FBXO28: variants seen among roughly 807,000 people sequenced by gnomAD.
The protein encoded by FBXO28 is F-box protein 28.
Under a neutral mutation model 38.1 loss-of-function variants are expected in FBXO28, and 8 were observed. That is an observed-to-expected ratio of 0.21 (90% CI 0.12 to 0.38). FBXO28 has a LOEUF of 0.38. FBXO28 is among the 10% of genes least tolerant of loss of function. FBXO28 has a pLI of 1.00. For synonymous variants in FBXO28, 168 were observed against 173.8 expected (o/e 0.97, Z 0.26); for missense variants, 345 against 460.6 (o/e 0.75, Z 2.30).
At chr1:224,120,675 CA>C (rs1415430374) in intron 1 of FBXO28, among the ~76,000 whole-genome samples, 6 of 152,124 alleles carry the variant, frequency 3.9e-5, no homozygotes, top group Admixed American at 1.3e-4. Context: ...CCAGCCTTAC[CA>C]ACATGGTGAA....
rs1354511976 is a variant in FBXO28, at chr1:224,157,786, A to T, written c.*40A>T. On this transcript the variant is annotated 3_prime_UTR_variant, in exon 5 of 5. Coordinates refer to ENST00000366862, the MANE Select transcript of FBXO28 (RefSeq NM_015176.4). ...CTAGTTCCAGAGGAAGACACAGCTT[A>T]GTAGCTTAAGCAGTTATGCATATCA... 6.4e-7 allele frequency: 1 copy of T among 1,555,084 alleles called. No individual in the cohort carries two copies. Among genetic ancestry groups the T allele is most frequent in the African/African-American group, 1.4e-5 (1 of 72,924 alleles).
chr1:224,149,081 T>C (rs1657579387), intron 3 of FBXO28, among the ~76,000 whole-genome samples: 1 of 152,192 alleles, frequency 6.6e-6, no homozygotes, highest in South Asian at 2.1e-4. Context: ...ACTATAAATA[T>C]TCTTCTGTCT....
At chr1:224,121,614 C>G (rs1416045467) in intron 1 of FBXO28, among the ~76,000 whole-genome samples, 1 of 152,026 alleles carries the variant, frequency 6.6e-6, no homozygotes, top group Non-Finnish European at 1.5e-5. Context: ...CTTGGCCTCT[C>G]TAGGTGTTGG....
intron 1 of FBXO28, among the ~76,000 whole-genome samples, chr1:224,119,126 C>CTTTTT (rs1246875517): frequency 1.8e-5 from 1 of 56,504 alleles, no homozygotes; most frequent in African/African-American, 6.2e-5. Flanking sequence ...CTGATTTTTT[C>CTTTTT]TTTTTTTTCT....
chr1:224,133,652 G>A (rs1399571505), intron 2 of FBXO28, among the ~76,000 whole-genome samples: 5 of 151,892 alleles, frequency 3.3e-5, no homozygotes, highest in Non-Finnish European at 1.5e-5. Flanking sequence ...CTAGTAGCTG[G>A]GACTATAGGC....
Position 224,158,245 on chromosome 1 carries a change from G to A in FBXO28, c.*499G>A. The A allele has an allele frequency of 1.0e-6, 1 of 985,308 alleles. No homozygotes were observed. Among genetic ancestry groups the A allele is most frequent in the Non-Finnish European group, 1.2e-6 (1 of 829,708 alleles). 61.0% of individuals were successfully genotyped at this position (985,308 alleles called of 1,614,324 possible). A position where few individuals can be genotyped will look rare whatever the true frequency, so the allele number is the denominator to read the frequency against. On this transcript the variant is annotated 3_prime_UTR_variant, in exon 5 of 5. Coordinates refer to ENST00000366862, the MANE Select transcript of FBXO28 (RefSeq NM_015176.4). ...GTCTGAAAAGTAGTTAATGCTTTTT[G>A]GTATTGAAGTAATGGGTAACTAAAA...
intron 1 of FBXO28, among the ~76,000 whole-genome samples, chr1:224,116,456 T>C (rs964745225): frequency 1.3e-5 from 2 of 152,214 alleles, no homozygotes; most frequent in African/African-American, 4.8e-5. Context: ...GACTTTAGTG[T>C]ATGCTGCTAT....
At position 224,134,218 on chromosome 1, in the gene FBXO28, A is replaced by G. The variant is rs540198138; in HGVS notation, c.516+6A>G. 30 of 1,612,104 alleles carry G rather than the reference A, an allele frequency of 1.9e-5. No individual in the cohort carries two copies. In the South Asian group the frequency reaches 3.2e-4, roughly 17 times the overall value. On this transcript the variant is annotated splice_donor_region_variant and intron_variant, in intron 3 of 4. Transcript: ENST00000366862. ...GTTGCTTCATCCCAGGAAAGGTAAA[A>G]TAGAATTGCTTGCCTAGAACAGCTG...
intron 1 of FBXO28, among the ~76,000 whole-genome samples, chr1:224,127,164 T>TTG (rs564171368): frequency 0.1 from 9,086 of 88,408 alleles, 365 homozygotes; most frequent in Admixed American, 0.18. Flanking sequence ...TGTAAAGTAT[T>TTG]TGTGTGTGTG....
In FBXO28 at chr1:224,130,576, C is replaced by T; in HGVS notation, c.372C>T (p.Leu124=). 1 of 1,599,702 alleles carries T rather than the reference C, an allele frequency of 6.3e-7. No homozygotes were observed. Among genetic ancestry groups the T allele is most frequent in the Non-Finnish European group, 8.6e-7 (1 of 1,167,190 alleles). Residue 124 remains leucine (L), a synonymous_variant, in exon 2 of 5, where the codon CTC becomes CTT. Transcript: ENST00000366862. ...NLCQKQVKAQ[L]PRRESERRNH... is the part of the protein sequence containing the mutation. ...GTCAGAAACAAGTTAAAGCACAACTCCCAAGGTATGTTGTGGGTGGCAATG... is the reference window on the plus strand; with the variant it reads ...GTCAGAAACAAGTTAAAGCACAACTTCCAAGGTATGTTGTGGGTGGCAATG...
chr1:224,146,675 C>T (rs1657513858), intron 3 of FBXO28, among the ~76,000 whole-genome samples: 1 of 150,814 alleles, frequency 6.6e-6, no homozygotes, highest in South Asian at 2.1e-4. Flanking sequence ...CCAGCCACAG[C>T]CTGTACTGTA....
At chr1:224,134,237 A>G (rs766056592) in intron 3 of FBXO28, 25 bp downstream of exon 3, 1 of 1,609,202 alleles carries the variant, frequency 6.2e-7, no homozygotes, top group Non-Finnish European at 8.5e-7. Flanking sequence ...CTTGCCTAGA[A>G]CAGCTGGACT....
chr1:224,136,461 C>G (rs1458835585), intron 3 of FBXO28, among the ~76,000 whole-genome samples: 1 of 151,940 alleles, frequency 6.6e-6, no homozygotes, highest in Non-Finnish European at 1.5e-5. Context: ...CGGTAGCTCA[C>G]ACCTGTAATC....
In FBXO28 at chr1:224,157,509, A is replaced by G. The variant is rs765488486; in HGVS notation, c.870A>G (p.Gln290=). ...TTTCTGAGCTTCGCACCAAAGTGCAAGAACAGCAAAAACAGCTTCAAGACC... is the reference window on the plus strand; with the variant it reads ...TTTCTGAGCTTCGCACCAAAGTGCAGGAACAGCAAAAACAGCTTCAAGACC... The part of the protein sequence containing the change: ...REISELRTKV[Q]EQQKQLQDQD... Residue 290 remains glutamine (Q), a synonymous_variant, in exon 5 of 5, where the codon CAA becomes CAG. Transcript: ENST00000366862. 1.1e-5 allele frequency: 17 copies of G among 1,614,154 alleles called. No homozygotes were observed. The Admixed American group carries it at 1.8e-4, about 17-fold the overall frequency.
intron 1 of FBXO28, among the ~76,000 whole-genome samples, chr1:224,120,969 T>A (rs989987813): frequency 1.3e-5 from 2 of 151,978 alleles, no homozygotes; most frequent in Non-Finnish European, 2.9e-5. Flanking sequence ...GCTTAATATT[T>A]ACTTCCAAGA....
In FBXO28 at chr1:224,157,621, A is replaced by G. The variant is rs1220278376; in HGVS notation, c.982A>G (p.Met328Val). ...GCTAGAACGCAAACTACGAGAAGTA[A>G]TGGAAAGTGCTGTAGGAAATTCCTC... is the stretch of plus-strand genomic sequence containing the variant. ...AELERKLREVMESAVGNSSGS... is the reference protein window; with the variant it reads ...AELERKLREVVESAVGNSSGS... The change falls in exon 5 of 5, where the codon ATG becomes GTG. Residue 328 changes from methionine to valine, a missense_variant. Met to Val is a conservative substitution (Grantham distance 21). This residue lies in a region of FBXO28 where 151 missense variants were observed against 188.3 expected (regional missense o/e 0.80). Transcript: ENST00000366862. The G allele has an allele frequency of 6.2e-7, 1 of 1,614,142 alleles. No individual in the cohort carries two copies. The highest frequency in any genetic ancestry group is 1.3e-5 in the African/African-American group (1 of 74,946).
Position 224,160,847 on chromosome 1 carries a change from A to G in FBXO28, c.*3101A>G, listed in dbSNP as rs1025476364. On this transcript the variant is annotated 3_prime_UTR_variant, in exon 5 of 5. Coordinates refer to ENST00000366862, the MANE Select transcript of FBXO28 (RefSeq NM_015176.4). ...CGTGTTAAAAATGTTAAAATATTCT[A>G]TGTAGCCCCAAAGGTGGGTAAAACA... 20 of 152,310 alleles carry G rather than the reference A, an allele frequency of 1.3e-4. No homozygotes were observed. Among genetic ancestry groups the G allele is most frequent in the Admixed American group, 1.2e-3 (19 of 15,292 alleles). The allele number at this position is 152,310 out of a possible 1,614,324, so 9.4% of individuals were successfully genotyped here. A position where few individuals can be genotyped will look rare whatever the true frequency, so the allele number is the denominator to read the frequency against.
At chr1:224,134,420 C>G in intron 3 of FBXO28, 2 of 425,160 alleles carry the variant, frequency 4.7e-6, no homozygotes, top group Non-Finnish European at 8.1e-6. Context: ...TAGTCGAAAC[C>G]CTAATATTCT....
At chr1:224,117,052 A>G (rs1656657839) in intron 1 of FBXO28, among the ~76,000 whole-genome samples, 1 of 152,150 alleles carries the variant, frequency 6.6e-6, no homozygotes, top group Non-Finnish European at 1.5e-5. Flanking sequence ...GGGTGCCTGT[A>G]ATCCCAGCTA....
Sources: gnomAD v4.1 joint callset for allele counts (sites outside exome capture counted in the v4.1 genomes callset) on GRCh38, gnomAD v4.1.1 for gene constraint, gnomAD v4.1.1 regional missense constraint, MANE v1.5 for transcripts, NCBI Gene and HGNC (gene_info 2026-07-23, HGNC 2026-07-21) for gene names.